The following KAT7 variants were observed in gnomAD, a reference collection of about 807,000 sequenced individuals.
KAT7 encodes the protein histone acetyltransferase KAT7.
In KAT7, 10 loss-of-function variants were observed where a neutral mutation model predicts 82.1. The ratio of observed to expected loss-of-function variants is 0.12; its 90% CI spans 0.08 to 0.21. KAT7 has a LOEUF of 0.21. Ranked by LOEUF, KAT7 falls within the 10% of genes least tolerant of loss-of-function variation. The pLI is 1.00. For missense variants in KAT7, 378 were observed against 760.9 expected (o/e 0.50, Z 5.92); for synonymous variants, 250 against 262.5 (o/e 0.95, Z 0.46).
rs2073900812 is a variant in KAT7, at chr17:49,792,316, T to C, written c.163+283T>C. Among the ~76,000 whole-genome samples the C allele has an allele frequency of 2.0e-5, 3 of 152,344 alleles. No individual in the cohort carries two copies. In the South Asian group the frequency reaches 6.2e-4, roughly 32 times the overall value. ...ATTTGTTTGTTTGTTTGTTTGTTTT[T>C]TTAGATCGCAGTGTCTCCATCAGTA... On this transcript the variant is annotated intron_variant, in intron 2 of 14. Coordinates refer to ENST00000259021, the MANE Select transcript of KAT7 (RefSeq NM_007067.5).
At chr17:49,797,515 T>C (rs1259311829) in intron 3 of KAT7, among the ~76,000 whole-genome samples, 1 of 152,210 alleles carries the variant, frequency 6.6e-6, no homozygotes, top group Non-Finnish European at 1.5e-5. Context: ...ACTTTTCTTA[T>C]AGCCATACTT....
Position 49,831,310 on chromosome 17 carries a change from G to C in KAT7, c.*3808G>C, listed in dbSNP as rs2074423329. On this transcript the variant is annotated 3_prime_UTR_variant, in exon 15 of 15. Coordinates refer to ENST00000259021, the MANE Select transcript of KAT7 (RefSeq NM_007067.5). The stretch of plus-strand genomic sequence containing the variant: ...AAACAGAATTGATTGATGTTAGTTG[G>C]CTTTAGAAGCAGCAAGTTTAGGGGG... The C allele has an allele frequency of 6.6e-6, 1 of 152,174 alleles. No homozygotes were observed. The highest frequency in any genetic ancestry group is 1.5e-5 in the Non-Finnish European group (1 of 68,060). 9.4% of individuals were successfully genotyped at this position (152,174 alleles called of 1,614,324 possible).
At chr17:49,792,158 T>C (rs2073898647) in intron 2 of KAT7, 125 bp downstream of exon 2, 5 of 887,710 alleles carry the variant, frequency 5.6e-6, no homozygotes, top group South Asian at 1.7e-5. Flanking sequence ...CACCAGATGA[T>C]TGGTAAAATG....
At chr17:49,821,456 G>C in intron 10 of KAT7, 30 bp downstream of exon 10, 1 of 1,588,206 alleles carries the variant, frequency 6.3e-7, no homozygotes, top group Non-Finnish European at 8.6e-7. Flanking sequence ...GAAAGGAGTT[G>C]AAATGTTGTA....
intron 5 of KAT7, among the ~76,000 whole-genome samples, chr17:49,806,643 A>T (rs2074095160): frequency 6.6e-6 from 1 of 152,226 alleles, no homozygotes; most frequent in South Asian, 2.1e-4. Context: ...AAATACAATG[A>T]TCTGATACTA....
intron 1 of KAT7, among the ~76,000 whole-genome samples, chr17:49,791,559 G>A (rs9903642): frequency 0.073 from 11,053 of 152,280 alleles, 575 homozygotes; most frequent in African/African-American, 0.13. Context: ...TCGGGAGGCT[G>A]AGGCAGGAGA....
intron 9 of KAT7, among the ~76,000 whole-genome samples, chr17:49,820,397 G>A (rs1472570183): frequency 3.3e-5 from 5 of 151,868 alleles, no homozygotes; most frequent in African/African-American, 1.2e-4. Context: ...TTCTGCCTCA[G>A]CCTCCAGAGT....
At chr17:49,818,742 G>GTT (rs57232662) in intron 9 of KAT7, among the ~76,000 whole-genome samples, 1 of 142,160 alleles carries the variant, frequency 7.0e-6, no homozygotes, top group Non-Finnish European at 1.5e-5. Context: ...ACTTTTTCTT[G>GTT]TTTTTTTTTT....
At chr17:49,790,104 C>T (rs989813052) in intron 1 of KAT7, 1 of 152,208 alleles carries the variant, frequency 6.6e-6, no homozygotes, top group African/African-American at 2.4e-5. Flanking sequence ...CAATAGAAAT[C>T]TTTCTCTTCA....
rs2074411733 is a variant in KAT7, at chr17:49,830,176, C to T, written c.*2674C>T. 1.4e-5 allele frequency: 2 copies of T among 141,970 alleles called. No individual in the cohort carries two copies. The highest frequency in any genetic ancestry group is 5.5e-5 in the African/African-American group (2 of 36,668). The allele number at this position is 141,970 out of a possible 1,614,324, so 8.8% of individuals were successfully genotyped here. The stretch of plus-strand genomic sequence containing the variant: ...TACAGGCGTGAGCCACTGCACCCGA[C>T]CTATTTTTTTTTTTTTTTTTTTTTT... On this transcript the variant is annotated 3_prime_UTR_variant, in exon 15 of 15. Coordinates refer to ENST00000259021, the MANE Select transcript of KAT7 (RefSeq NM_007067.5).
Position 49,796,905 on chromosome 17 carries a change from G to C in KAT7, c.319G>C (p.Val107Leu), listed in dbSNP as rs555218442. 1.2e-6 allele frequency: 2 copies of C among 1,614,156 alleles called. No homozygotes were observed. The change falls in exon 3 of 15, where the codon GTG (valine) becomes CTG (leucine). Residue 107 changes from valine (V) to leucine (L), a missense_variant. Val to Leu is a conservative substitution (Grantham distance 32). Around this residue, in one of 6 missense-constraint regions of KAT7, gnomAD observed 161 missense variants for 229.6 expected, o/e 0.70. Coordinates refer to ENST00000259021, the MANE Select transcript of KAT7 (RefSeq NM_007067.5). ...TRSSGSETEQ[V>L]VDFSDRETKN... ...TTCATCTGGTTCAGAAACTGAGCAAGTGGTTGATTTTTCAGATAGAGGTGA... is the reference window on the plus strand; with the variant it reads ...TTCATCTGGTTCAGAAACTGAGCAACTGGTTGATTTTTCAGATAGAGGTGA...
At chr17:49,816,475 C>T (rs2074236316) in intron 8 of KAT7, among the ~76,000 whole-genome samples, 1 of 152,156 alleles carries the variant, frequency 6.6e-6, no homozygotes, top group Non-Finnish European at 1.5e-5. Flanking sequence ...TTTTTAACAA[C>T]TTTGCTTGAA....
rs113997204 is a variant in KAT7 at position 49,790,257 on chromosome 17, C to T, written c.15+1408C>T. Among the ~76,000 whole-genome samples, 722 of 152,224 alleles carry T rather than the reference C, an allele frequency of 4.7e-3. 3 individuals are homozygous for T. Among genetic ancestry groups the T allele is most frequent in the African/African-American group, 0.016 (674 of 41,520 alleles). On this transcript the variant is annotated intron_variant, in intron 1 of 14. Transcript: ENST00000259021. The stretch of plus-strand genomic sequence containing the variant: ...TGTTGCCCAGGTCGGAGTGCGATGG[C>T]GTGATGTTGGCTCACTGCAACCTCC...
chr17:49,792,113 G>A (rs2073897833), intron 2 of KAT7, 80 bp downstream of exon 2: 1 of 1,399,032 alleles, frequency 7.1e-7, no homozygotes, highest in African/African-American at 1.4e-5. Context: ...AGTTAATGTG[G>A]AAACTGGCCC....
At chr17:49,790,484 A>G (rs1337253656) in intron 1 of KAT7, among the ~76,000 whole-genome samples, 1 of 152,244 alleles carries the variant, frequency 6.6e-6, no homozygotes, top group Non-Finnish European at 1.5e-5. Flanking sequence ...GGCATGAGCC[A>G]CCACGCCCGG....
At chr17:49,820,589 T>A (rs1567863147) in intron 9 of KAT7, among the ~76,000 whole-genome samples, 1 of 152,138 alleles carries the variant, frequency 6.6e-6, no homozygotes, top group African/African-American at 2.4e-5. Context: ...TTAAACATTT[T>A]AAAATGTAAA....
intron 4 of KAT7, among the ~76,000 whole-genome samples, chr17:49,804,374 G>A (rs1412850382): frequency 3.4e-5 from 5 of 147,360 alleles, no homozygotes; most frequent in Admixed American, 2.7e-4. Flanking sequence ...GCGAGACTCC[G>A]TCTCAAAAAA....
chr17:49,828,200 TGTGGGCA>T lies in KAT7; in HGVS notation c.*716_*722del, dbSNP rs939517994. The stretch of plus-strand genomic sequence containing the variant: ...GTTCTGGGTTTGATTTGAGTTCACC[TGTGGGCA>T]GTGGGCAGTGGGCAGTGTCTTGGTG... On this transcript the variant is annotated 3_prime_UTR_variant, in exon 15 of 15. Transcript: ENST00000259021. 3.3e-5 allele frequency: 5 copies of T among 152,150 alleles called. No individual in the cohort carries two copies. Among genetic ancestry groups the T allele is most frequent in the African/African-American group, 9.7e-5 (4 of 41,338 alleles). 9.4% of individuals were successfully genotyped at this position (152,150 alleles called of 1,614,324 possible). A position where few individuals can be genotyped will look rare whatever the true frequency, so the allele number is the denominator to read the frequency against.
chr17:49,802,549 C>A (rs1427582912), intron 4 of KAT7, among the ~76,000 whole-genome samples: 1 of 151,874 alleles, frequency 6.6e-6, no homozygotes, highest in Non-Finnish European at 1.5e-5. Flanking sequence ...GCTTGTAATC[C>A]CAGCTACTGG....
Sources: allele counts gnomAD v4.1 joint callset (sites outside exome capture counted in the v4.1 genomes callset), GRCh38; gene constraint gnomAD v4.1.1; regional missense constraint gnomAD v4.1.1; transcripts MANE v1.5; gene names NCBI Gene and HGNC (gene_info 2026-07-23, HGNC 2026-07-21).